GARNL3: variants seen among roughly 807,000 people sequenced by gnomAD.
GARNL3 encodes GTPase activating Rap/RanGAP domain like 3.
GARNL3 carries 63 observed loss-of-function variants against 125.0 expected under a neutral mutation model. The ratio of observed to expected loss-of-function variants is 0.50; its 90% CI spans 0.41 to 0.62. The LOEUF is 0.62. GARNL3 is among the 20% of genes least tolerant of loss of function. GARNL3 has a pLI of 0.00. For missense variants in GARNL3, 994 were observed against 1,244.0 expected, an observed-to-expected ratio of 0.80 and a Z score of 3.02; for synonymous variants, 439 against 457.5, an observed-to-expected ratio of 0.96 and a Z score of 0.52.
intron 2 of GARNL3, among the ~76,000 whole-genome samples, chr9:127,246,583 A>C (rs2063307930): frequency 6.6e-6 from 1 of 152,166 alleles, no homozygotes; most frequent in African/African-American, 2.4e-5. Flanking sequence ...AGGTGGGTGG[A>C]TCACCTGAGG....
intron 13 of GARNL3, among the ~76,000 whole-genome samples, chr9:127,341,119 C>G (rs138717398): frequency 2.0e-5 from 3 of 152,214 alleles, no homozygotes; most frequent in Non-Finnish European, 4.4e-5. Context: ...AGCGTTGTTA[C>G]CTCCCATACT....
chr9:127,378,911 G>C (rs572822252), intron 22 of GARNL3, among the ~76,000 whole-genome samples: 1 of 152,160 alleles, frequency 6.6e-6, no homozygotes, highest in Non-Finnish European at 1.5e-5. Flanking sequence ...GAGTAGCTGG[G>C]ATTACAGGTC....
chr9:127,359,963 C>T (rs1260690634), intron 21 of GARNL3, among the ~76,000 whole-genome samples: 1 of 151,950 alleles, frequency 6.6e-6, no homozygotes, highest in Admixed American at 6.5e-5. Context: ...GTCCTCTCTT[C>T]TATGTGCTTC....
At position 127,320,764 on chromosome 9, in the gene GARNL3, C is replaced by A. The variant is rs760794761; in HGVS notation, c.553C>A (p.Pro185Thr). The part of the protein sequence containing the change: ...FEKGPREIFH[P>T]EIQKDLLVLE... Reference sequence around the variant, plus strand: ...GAAAGGCCCCAGGGAAATTTTTCATCCTGAAATACAAAAGGTAACAGAAAA... The same window carrying A: ...GAAAGGCCCCAGGGAAATTTTTCATACTGAAATACAAAAGGTAACAGAAAA... Residue 185 changes from proline to threonine, a missense_variant, in exon 6 of 28, where the codon CCT becomes ACT. By Grantham distance (38) the Pro-to-Thr change is conservative. Transcript: ENST00000373387. 1.2e-6 allele frequency: 2 copies of A among 1,607,720 alleles called. No homozygotes were observed. The highest frequency in any genetic ancestry group is 1.7e-6 in the Non-Finnish European group (2 of 1,174,472).
chr9:127,380,606 A>G (rs1832197291), intron 22 of GARNL3, among the ~76,000 whole-genome samples: 1 of 152,254 alleles, frequency 6.6e-6, no homozygotes, highest in African/African-American at 2.4e-5. Context: ...TTATTTGGCC[A>G]TAAAAAGGAA....
At chr9:127,270,139 T>C (rs2063790681) in intron 1 of GARNL3, among the ~76,000 whole-genome samples, 1 of 152,290 alleles carries the variant, frequency 6.6e-6, no homozygotes, top group Middle Eastern at 3.4e-3. Context: ...ATTCTCTTGC[T>C]TGTGGACATC....
Position 127,387,011 on chromosome 9 carries a change from A to G in GARNL3, c.2389-182A>G, listed in dbSNP as rs1036664063. 3.8e-5 allele frequency: 20 copies of G among 533,214 alleles called. 1 individual carries two copies. The highest frequency in any genetic ancestry group is 5.9e-5 in the Non-Finnish European group (18 of 304,494). The allele number at this position is 533,214 out of a possible 1,614,324, so 33.0% of individuals were successfully genotyped here. On this transcript the variant is annotated intron_variant, in intron 24 of 27. Transcript: ENST00000373387. ...GGAGTGGAATACTCAGGAAAAGTGT[A>G]ACTAGCCACGCTGGGCTTTCCTCCA... is the stretch of plus-strand genomic sequence containing the variant.
At chr9:127,243,027 G>A in intron 1 of GARNL3, 2 of 1,291,060 alleles carry the variant, frequency 1.5e-6, no homozygotes, top group South Asian at 2.5e-5. Flanking sequence ...CCAGGGATTG[G>A]CCTGCCGTTC....
chr9:127,387,460 T>G, intron 25 of GARNL3, 129 bp downstream of exon 25: 1 of 954,354 alleles, frequency 1.0e-6, no homozygotes, highest in Non-Finnish European at 1.5e-6. Flanking sequence ...AAAAAGAAAC[T>G]AGCTGAGCGT....
chr9:127,387,906 C>T (rs773181487), intron 25 of GARNL3, among the ~76,000 whole-genome samples: 5 of 151,864 alleles, frequency 3.3e-5, no homozygotes, highest in African/African-American at 7.3e-5. Context: ...AGCACTTTGG[C>T]GGGCTGAGGC....
chr9:127,249,105 A>G (rs1405249820), intron 2 of GARNL3, among the ~76,000 whole-genome samples: 1 of 92,494 alleles, frequency 1.1e-5, no homozygotes, highest in East Asian at 3.2e-4. Context: ...CCTGGCATGT[A>G]AAAAGTGCTT....
intron 22 of GARNL3, among the ~76,000 whole-genome samples, chr9:127,371,204 G>A (rs919596951): frequency 2.0e-5 from 3 of 152,126 alleles, no homozygotes; most frequent in South Asian, 2.1e-4. Context: ...TCACCTGGTC[G>A]GTGTAGCACG....
intron 1 of GARNL3, among the ~76,000 whole-genome samples, chr9:127,275,033 C>T (rs1045812147): frequency 6.6e-6 from 1 of 152,184 alleles, no homozygotes; most frequent in Non-Finnish European, 1.5e-5. Flanking sequence ...CAAGACCAGG[C>T]TCAGCAGTGT....
In GARNL3 at chr9:127,292,093, A is replaced by G. The variant is rs77785589; in HGVS notation, c.219+851A>G. Among the ~76,000 whole-genome samples, 842 of 152,122 alleles carry G rather than the reference A, an allele frequency of 5.5e-3. 23 individuals carry two copies. In the East Asian group the frequency reaches 0.082, roughly 15 times the overall value. On this transcript the variant is annotated intron_variant, in intron 2 of 27. Coordinates refer to ENST00000373387, the MANE Select transcript of GARNL3 (RefSeq NM_032293.5). Reference sequence around the variant, plus strand: ...CTGCCACATTGCCGGTTTTCTCCTGACCACCTCCTAATGCAAATTCTCGGT... The same window carrying G: ...CTGCCACATTGCCGGTTTTCTCCTGGCCACCTCCTAATGCAAATTCTCGGT...
At chr9:127,386,989 G>A (rs1318112255) in intron 24 of GARNL3, 1 of 459,064 alleles carries the variant, frequency 2.2e-6, no homozygotes, top group Non-Finnish European at 3.9e-6. Context: ...GTGGCGGGGA[G>A]TGGAATACTC....
intron 10 of GARNL3, 124 bp downstream of exon 10, chr9:127,335,457 G>A (rs1300436320): frequency 1.3e-6 from 1 of 748,816 alleles, no homozygotes; most frequent in African/African-American, 1.7e-5. Context: ...CCAATTTAGG[G>A]ATGCTTTTGG....
At chr9:127,380,069 C>T (rs1171288098) in intron 22 of GARNL3, among the ~76,000 whole-genome samples, 1 of 152,120 alleles carries the variant, frequency 6.6e-6, no homozygotes, top group East Asian at 1.9e-4. Context: ...GTCCCAGCTA[C>T]TCGGGAGGCT....
At chr9:127,353,474 GGCT>G (rs969826632) in intron 17 of GARNL3, 1 of 185,424 alleles carries the variant, frequency 5.4e-6, no homozygotes, top group African/African-American at 2.4e-5. Context: ...TGAGAAAAAT[GGCT>G]GCTCTTTTTT....
intron 3 of GARNL3, among the ~76,000 whole-genome samples, chr9:127,312,936 A>G (rs1482449730): frequency 1.3e-5 from 2 of 152,208 alleles, no homozygotes; most frequent in African/African-American, 2.4e-5. Context: ...ACTGGCACAA[A>G]CAGTAAAGGA....
Sources: allele counts gnomAD v4.1 joint callset (sites outside exome capture counted in the v4.1 genomes callset), GRCh38; gene constraint gnomAD v4.1.1; transcripts MANE v1.5; gene names NCBI Gene and HGNC (gene_info 2026-07-23, HGNC 2026-07-21).